GRM7: variants seen among roughly 807,000 people sequenced by gnomAD.
The protein encoded by GRM7 is glutamate metabotropic receptor 7.
A neutral mutation model predicts 84.5 loss-of-function variants in GRM7; 35 were observed. That is an observed-to-expected ratio of 0.41 (90% CI 0.32 to 0.55). GRM7 has a LOEUF of 0.55. Among genes scored for constraint, GRM7 ranks in the 20% least tolerant of loss-of-function variants. The pLI is 0.19. For synonymous variants in GRM7, 487 were observed against 455.1 expected (o/e 1.07, Z -0.89); for missense variants, 1,003 against 1,194.6 (o/e 0.84, Z 2.36).
At chr3:7,629,675 G>A (rs1039488408) in intron 8 of GRM7, among the ~76,000 whole-genome samples, 4 of 152,140 alleles carry the variant, frequency 2.6e-5, no homozygotes, top group African/African-American at 7.2e-5. Context: ...ACTGCCTTAC[G>A]CTAAGTATCA....
At chr3:7,093,191 G>T (rs1698728647) in intron 1 of GRM7, among the ~76,000 whole-genome samples, 1 of 152,022 alleles carries the variant, frequency 6.6e-6, no homozygotes, top group African/African-American at 2.4e-5. Context: ...AGACTTCAGG[G>T]AATTAAAATA....
chr3:7,628,320 A>C (rs1157770942), intron 8 of GRM7, among the ~76,000 whole-genome samples: 4 of 152,086 alleles, frequency 2.6e-5, no homozygotes, highest in Non-Finnish European at 5.9e-5. Flanking sequence ...AACAGCCTTC[A>C]TTATATTTCA....
chr3:7,565,975 A>T (rs371468423), intron 7 of GRM7, among the ~76,000 whole-genome samples: 18 of 152,260 alleles, frequency 1.2e-4, no homozygotes, highest in African/African-American at 4.1e-4. Context: ...AGTTGTTGGT[A>T]ATTTAAATAT....
chr3:7,350,750 A>G (rs1357540112), intron 4 of GRM7, among the ~76,000 whole-genome samples: 1 of 152,002 alleles, frequency 6.6e-6, no homozygotes, highest in Non-Finnish European at 1.5e-5. Flanking sequence ...ACTGCAAACT[A>G]CCATTGAGGT....
intron 1 of GRM7, among the ~76,000 whole-genome samples, chr3:7,020,956 A>G (rs1000887149): frequency 1.3e-5 from 2 of 152,168 alleles, no homozygotes; most frequent in African/African-American, 4.8e-5. Context: ...CCTGACTATG[A>G]CTGTAGATAG....
chr3:7,534,377 G>A (rs1203206517), intron 7 of GRM7, among the ~76,000 whole-genome samples: 1 of 152,060 alleles, frequency 6.6e-6, no homozygotes. Context: ...TTTGAGATAC[G>A]TACTATTGCC....
At chr3:7,023,583 G>A (rs983071072) in intron 1 of GRM7, among the ~76,000 whole-genome samples, 5 of 152,124 alleles carry the variant, frequency 3.3e-5, no homozygotes, top group African/African-American at 1.2e-4. Flanking sequence ...TTCCTTACAG[G>A]TCTGGAGGTT....
intron 8 of GRM7, among the ~76,000 whole-genome samples, chr3:7,650,879 G>T (rs574554231): frequency 6.6e-6 from 1 of 152,082 alleles, no homozygotes; most frequent in Non-Finnish European, 1.5e-5. Flanking sequence ...CACTGCATCC[G>T]GCTTGCCTCA....
chr3:7,455,756 A>G (rs534124707), intron 6 of GRM7, among the ~76,000 whole-genome samples: 14 of 152,320 alleles, frequency 9.2e-5, no homozygotes, highest in Admixed American at 4.6e-4. Context: ...CTTATGCTAG[A>G]AAAAACACTA....
At chr3:7,116,679 G>A (rs151218997) in intron 1 of GRM7, among the ~76,000 whole-genome samples, 4 of 152,204 alleles carry the variant, frequency 2.6e-5, no homozygotes, top group South Asian at 2.1e-4. Context: ...CATAGTTATC[G>A]TACTATGAAG....
chr3:7,269,142 G>T (rs1487690497), intron 2 of GRM7, among the ~76,000 whole-genome samples: 1 of 152,170 alleles, frequency 6.6e-6, no homozygotes, highest in African/African-American at 2.4e-5. Flanking sequence ...TCAAAGCAAG[G>T]CATGCTTTTC....
intron 7 of GRM7, among the ~76,000 whole-genome samples, chr3:7,569,604 G>C (rs375194736): frequency 6.6e-6 from 1 of 152,154 alleles, no homozygotes; most frequent in South Asian, 2.1e-4. Context: ...TTGTTCTTTC[G>C]CTCTTTGCAA....
intron 1 of GRM7, among the ~76,000 whole-genome samples, chr3:7,084,154 A>T (rs1038572059): frequency 6.6e-6 from 1 of 152,126 alleles, no homozygotes; most frequent in African/African-American, 2.4e-5. Context: ...TACTCTCTGG[A>T]AAACAGACTC....
At chr3:7,098,945 C>T (rs534647227) in intron 1 of GRM7, among the ~76,000 whole-genome samples, 83 of 151,986 alleles carry the variant, frequency 5.5e-4, no homozygotes, top group Admixed American at 1.1e-3. Flanking sequence ...ATCAAATATG[C>T]TCTCTGATGC....
chr3:6,905,682 G>T (rs1345364277), intron 1 of GRM7, among the ~76,000 whole-genome samples: 1 of 152,014 alleles, frequency 6.6e-6, no homozygotes, highest in Non-Finnish European at 1.5e-5. Context: ...GAAGTAATAA[G>T]ATTTTTAAAA....
intron 8 of GRM7, among the ~76,000 whole-genome samples, chr3:7,628,099 C>T (rs1376500557): frequency 6.6e-6 from 1 of 152,164 alleles, no homozygotes; most frequent in Non-Finnish European, 1.5e-5. Context: ...AACTTCAAAG[C>T]ACAGCTCTCA....
chr3:7,107,221 G>A (rs771165628), intron 1 of GRM7, among the ~76,000 whole-genome samples: 4 of 151,984 alleles, frequency 2.6e-5, no homozygotes, highest in African/African-American at 7.2e-5. Context: ...AAACAGACAC[G>A]CACGGTTTCT....
chr3:7,729,670 T>G (rs1702242518), intron 9 of GRM7, among the ~76,000 whole-genome samples: 1 of 152,134 alleles, frequency 6.6e-6, no homozygotes, highest in Non-Finnish European at 1.5e-5. Context: ...TTTTATAGAA[T>G]ATAAGTGCCG....
At chr3:7,013,216 A>T (rs998387315) in intron 1 of GRM7, among the ~76,000 whole-genome samples, 4 of 152,042 alleles carry the variant, frequency 2.6e-5, no homozygotes, top group African/African-American at 7.2e-5. Context: ...TGTCAAAATT[A>T]TATTGCAAAA....
Sources: allele counts gnomAD v4.1 joint callset (sites outside exome capture counted in the v4.1 genomes callset), GRCh38; gene constraint gnomAD v4.1.1; transcripts MANE v1.5; gene names NCBI Gene and HGNC (gene_info 2026-07-23, HGNC 2026-07-21).